TCEA1: variants seen among roughly 807,000 people sequenced by gnomAD.
The protein encoded by TCEA1 is transcription elongation factor A protein 1.
Under a neutral mutation model 43.8 loss-of-function variants are expected in TCEA1, and 21 were observed. The observed-to-expected ratio is 0.48, with a 90% CI of 0.34 to 0.69. The LOEUF is 0.69. Ranked by LOEUF, TCEA1 falls within the 30% of genes least tolerant of loss-of-function variation. The pLI, the probability that TCEA1 is intolerant of heterozygous loss-of-function variation, is 0.01. For synonymous variants in TCEA1, 104 were observed against 117.5 expected, an observed-to-expected ratio of 0.88 and a Z score of 0.75; for missense variants, 250 against 365.1, an observed-to-expected ratio of 0.68 and a Z score of 2.57.
At position 53,970,183 on chromosome 8, in the gene TCEA1, T is replaced by C. The variant is rs1358401854; in HGVS notation, c.897+209A>G. 8.6e-6 allele frequency: 5 copies of C among 582,358 alleles called. No individual in the cohort carries two copies. The East Asian group carries it at 1.2e-4, about 14-fold the overall frequency. 36.1% of individuals were successfully genotyped at this position (582,358 alleles called of 1,614,324 possible). A position where few individuals can be genotyped will look rare whatever the true frequency, so the allele number is the denominator to read the frequency against. On this transcript the variant is annotated intron_variant, in intron 9 of 9. Coordinates refer to ENST00000521604, the MANE Select transcript of TCEA1 (RefSeq NM_006756.4). ...TCCCCATTTCCTGCACCAAAACAAA[T>C]AAAGGTGGTAAAGTCAAGTTAATAC...
At chr8:53,968,675 C>T (rs1286552018) in intron 9 of TCEA1, among the ~76,000 whole-genome samples, 1 of 151,948 alleles carries the variant, frequency 6.6e-6, no homozygotes, top group Non-Finnish European at 1.5e-5. Context: ...AACCCCGTCT[C>T]TACTAAAATA....
At position 54,006,204 on chromosome 8, in the gene TCEA1, G is replaced by C. The variant is rs1210113621; in HGVS notation, c.126+4226C>G. Reference sequence around the variant, plus strand: ...ATGAACACTGTATGGACTTTTCTTTGGGTACCTACATCTTTGTTTATATGT... The same window carrying C: ...ATGAACACTGTATGGACTTTTCTTTCGGTACCTACATCTTTGTTTATATGT... On this transcript the variant is annotated intron_variant, in intron 2 of 9. Coordinates refer to ENST00000521604, the MANE Select transcript of TCEA1 (RefSeq NM_006756.4). Among the ~76,000 whole-genome samples the C allele has an allele frequency of 2.0e-5, 3 of 152,160 alleles. No homozygotes were observed. In the East Asian group the frequency reaches 5.8e-4, roughly 29 times the overall value.
intron 3 of TCEA1, among the ~76,000 whole-genome samples, chr8:53,994,629 A>G (rs532009457): frequency 1.3e-5 from 2 of 152,178 alleles, no homozygotes; most frequent in South Asian, 4.1e-4. Context: ...AGCACTTTGG[A>G]AGGCCACGGC....
chr8:54,005,344 C>G lies in TCEA1; in HGVS notation c.126+5086G>C, dbSNP rs74677275. Among the ~76,000 whole-genome samples, 316 of 152,258 alleles carry G rather than the reference C, an allele frequency of 2.1e-3. 1 individual carries two copies. Among genetic ancestry groups the G allele is most frequent in the African/African-American group, 7.3e-3 (303 of 41,562 alleles). ...AGTTAAGCACTACCATATCAGTCAA[C>G]ACTCACATCAGAAACATTTCCATCA... On this transcript the variant is annotated intron_variant, in intron 2 of 9. Coordinates refer to ENST00000521604, the MANE Select transcript of TCEA1 (RefSeq NM_006756.4).
At chr8:53,984,283 A>C in intron 7 of TCEA1, 80 bp downstream of exon 7, 1 of 1,275,384 alleles carries the variant, frequency 7.8e-7, no homozygotes, top group Non-Finnish European at 1.1e-6. Flanking sequence ...ATATTTATAT[A>C]GTAGTCTATG....
chr8:53,992,767 AC>A (rs2129305707), intron 4 of TCEA1, among the ~76,000 whole-genome samples: 1 of 152,244 alleles, frequency 6.6e-6, no homozygotes, highest in Admixed American at 6.5e-5. Flanking sequence ...TTGACTGTTA[AC>A]CTACCAGCTT....
At chr8:54,018,455 T>G (rs1804910748) in intron 1 of TCEA1, among the ~76,000 whole-genome samples, 1 of 152,184 alleles carries the variant, frequency 6.6e-6, no homozygotes, top group Non-Finnish European at 1.5e-5. Context: ...CATTTTATAT[T>G]CACTTAATCC....
intron 1 of TCEA1, among the ~76,000 whole-genome samples, chr8:54,018,497 G>A (rs564201189): frequency 2.6e-5 from 4 of 152,094 alleles, no homozygotes; most frequent in Non-Finnish European, 5.9e-5. Flanking sequence ...ACCATGACGA[G>A]AAACATTTTA....
intron 1 of TCEA1, 123 bp from the exon 2 acceptor site, chr8:54,010,615 AC>A: frequency 1.5e-6 from 1 of 681,500 alleles, no homozygotes; most frequent in Non-Finnish European, 2.5e-6. Flanking sequence ...ATAAGGAGCA[AC>A]AGCACCACCT....
chr8:54,018,043 G>A (rs771089931), intron 1 of TCEA1, among the ~76,000 whole-genome samples: 1 of 152,134 alleles, frequency 6.6e-6, no homozygotes, highest in Non-Finnish European at 1.5e-5. Context: ...TCTATTTCTC[G>A]ATAAAGCTGT....
intron 7 of TCEA1, among the ~76,000 whole-genome samples, chr8:53,982,436 T>C (rs1049783908): frequency 7.2e-5 from 11 of 151,792 alleles, no homozygotes; most frequent in African/African-American, 2.7e-4. Context: ...GGTGAAACCC[T>C]GTCTCTACTA....
intron 3 of TCEA1, among the ~76,000 whole-genome samples, chr8:53,997,274 C>A (rs983470493): frequency 3.3e-5 from 5 of 151,982 alleles, no homozygotes; most frequent in African/African-American, 4.8e-5. Flanking sequence ...AGAAAAATCA[C>A]AATTTTGCAA....
chr8:53,978,763 TTTGA>T (rs776177198), intron 8 of TCEA1: 41 of 339,154 alleles, frequency 1.2e-4, no homozygotes, highest in Non-Finnish European at 1.8e-4. Context: ...AATTATTCTA[TTTGA>T]TTAAGTTATT....
At chr8:53,972,523 T>C (rs1441719650) in intron 8 of TCEA1, 1 of 540,936 alleles carries the variant, frequency 1.8e-6, no homozygotes, top group African/African-American at 1.9e-5. Context: ...GTTTGCAACA[T>C]GGACTGGGAT....
intron 2 of TCEA1, among the ~76,000 whole-genome samples, chr8:54,007,173 C>G (rs1804494597): frequency 6.6e-6 from 1 of 151,952 alleles, no homozygotes; most frequent in South Asian, 2.1e-4. Context: ...TTTTTTGCAC[C>G]ATGGATCCTT....
chr8:54,020,701 G>GA (rs1168761989), intron 1 of TCEA1, among the ~76,000 whole-genome samples: 1 of 152,190 alleles, frequency 6.6e-6, no homozygotes, highest in Non-Finnish European at 1.5e-5. Flanking sequence ...AGCTCTGTGT[G>GA]AGTCACAAAA....
At position 54,006,237 on chromosome 8, in the gene TCEA1, C is replaced by T. The variant is rs867629765; in HGVS notation, c.126+4193G>A. 3.3e-5 allele frequency among the ~76,000 whole-genome samples: 5 copies of T among 152,180 alleles called. No homozygotes were observed. In the South Asian group the frequency reaches 1.0e-3, roughly 32 times the overall value. On this transcript the variant is annotated intron_variant, in intron 2 of 9. Transcript: ENST00000521604. ...ACATCTTTGTTTATATGTCAGTTTTCCTCTACTAGAATTTAAGTTCAATGA... is the reference window on the plus strand; with the variant it reads ...ACATCTTTGTTTATATGTCAGTTTTTCTCTACTAGAATTTAAGTTCAATGA...
At position 54,010,347 on chromosome 8, in the gene TCEA1, CA is replaced by C. The variant is rs1339970494; in HGVS notation, c.126+82del. On this transcript the variant is annotated intron_variant, in intron 2 of 9. Transcript: ENST00000521604. ...GGTTTACACCATTATCAAGAGACTACAAAAACATATTGGTACTGAAGATGTT... is the reference window on the plus strand; with the variant it reads ...GGTTTACACCATTATCAAGAGACTACAAAACATATTGGTACTGAAGATGTT... The C allele has an allele frequency of 3.7e-6, 4 of 1,073,810 alleles. No homozygotes were observed. The East Asian group carries it at 7.8e-5, about 21-fold the overall frequency. The allele number at this position is 1,073,810 out of a possible 1,614,324, so 66.5% of individuals were successfully genotyped here. A position where few individuals can be genotyped will look rare whatever the true frequency, so the allele number is the denominator to read the frequency against.
chr8:53,999,143 T>G (rs7821654), intron 3 of TCEA1, among the ~76,000 whole-genome samples: 8,437 of 144,272 alleles, frequency 0.058, 768 homozygotes, highest in African/African-American at 0.2. Context: ...CAGAATGGCA[T>G]GAACCCAGGA....
Sources: gnomAD v4.1 joint callset for allele counts (sites outside exome capture counted in the v4.1 genomes callset) on GRCh38, gnomAD v4.1.1 for gene constraint, MANE v1.5 for transcripts, NCBI Gene and HGNC (gene_info 2026-07-23, HGNC 2026-07-21) for gene names.